ARHGAP12: variants seen among roughly 807,000 people sequenced by gnomAD.
The protein encoded by ARHGAP12 is rho GTPase-activating protein 12.
In ARHGAP12, 64 loss-of-function variants were observed where a neutral mutation model predicts 108.6. The ratio of observed to expected loss-of-function variants is 0.59; its 90% confidence interval spans 0.48 to 0.73. The LOEUF is 0.73. ARHGAP12 is among the 30% of genes least tolerant of loss of function. The pLI, the probability that ARHGAP12 is intolerant of heterozygous loss-of-function variation, is 0.00. For missense variants in ARHGAP12, 940 were observed against 1,005.9 expected, an observed-to-expected ratio of 0.93 and a Z score of 0.89; for synonymous variants, 312 against 337.2, an observed-to-expected ratio of 0.93 and a Z score of 0.82.
At chr10:31,841,764 T>C (rs1484205421) in intron 7 of ARHGAP12, among the ~76,000 whole-genome samples, 1 of 152,180 alleles carries the variant, frequency 6.6e-6, no homozygotes, top group Non-Finnish European at 1.5e-5. Context: ...GGATATAACC[T>C]CACCCTAAGT....
chr10:31,895,738 G>A (rs1212007193), intron 3 of ARHGAP12, among the ~76,000 whole-genome samples: 1 of 152,056 alleles, frequency 6.6e-6, no homozygotes, highest in African/African-American at 2.4e-5. Context: ...CCCATTACTG[G>A]GTATATACCC....
At chr10:31,901,534 C>CAA (rs61402251) in intron 3 of ARHGAP12, among the ~76,000 whole-genome samples, 44 of 64,242 alleles carry the variant, frequency 6.8e-4, no homozygotes, top group African/African-American at 1.7e-3. Context: ...AACCTGGTCT[C>CAA]AAAAAAAAAA....
intron 4 of ARHGAP12, among the ~76,000 whole-genome samples, chr10:31,857,628 C>T (rs1218271209): frequency 1.3e-5 from 2 of 152,158 alleles, no homozygotes; most frequent in African/African-American, 4.8e-5. Context: ...TACCCAGCTA[C>T]ATCACAGTAA....
chr10:31,846,370 A>T (rs541320757), intron 6 of ARHGAP12, among the ~76,000 whole-genome samples: 1 of 152,330 alleles, frequency 6.6e-6, no homozygotes, highest in South Asian at 2.1e-4. Flanking sequence ...TCTGTTTGAA[A>T]GACTTCCTAC....
At position 31,843,491 on chromosome 10, in the gene ARHGAP12, A is replaced by G. The variant is rs764009933; in HGVS notation, c.1266T>C (p.His422=). Residue 422 remains histidine (H), a synonymous_variant, in exon 7 of 20, where the codon CAT becomes CAC. Transcript: ENST00000344936. ...QEPIVLTKWR[H]STIVLDTNDK... is the part of the protein sequence containing the mutation. ...CATTAGTGTCCAATACAATGGTGCT[A>G]TGTCTCCACTTTGTTAATACTATTG... 3.7e-6 allele frequency: 6 copies of G among 1,612,968 alleles called. No individual in the cohort carries two copies. The African/African-American group carries it at 8.0e-5, about 22-fold the overall frequency.
chr10:31,857,130 C>T (rs1292225300), intron 4 of ARHGAP12, among the ~76,000 whole-genome samples: 2 of 152,086 alleles, frequency 1.3e-5, no homozygotes, highest in African/African-American at 4.8e-5. Context: ...CATTCATACG[C>T]ACACGTGTGT....
chr10:31,838,310 G>A (rs182566242), intron 9 of ARHGAP12, among the ~76,000 whole-genome samples: 75 of 152,230 alleles, frequency 4.9e-4, no homozygotes, highest in African/African-American at 1.7e-3. Flanking sequence ...GGAAATATGA[G>A]ATGAGGTGGT....
intron 3 of ARHGAP12, among the ~76,000 whole-genome samples, chr10:31,887,663 T>G (rs1210062726): frequency 1.9e-4 from 14 of 72,356 alleles, no homozygotes; most frequent in African/African-American, 1.2e-3. Flanking sequence ...TTTTTTTTGT[T>G]TTTTTTTTTT....
intron 11 of ARHGAP12, among the ~76,000 whole-genome samples, chr10:31,823,002 T>C (rs1267487356): frequency 6.6e-6 from 1 of 152,128 alleles, no homozygotes; most frequent in Non-Finnish European, 1.5e-5. Flanking sequence ...AAATGAATGT[T>C]TGAATAACTA....
intron 3 of ARHGAP12, among the ~76,000 whole-genome samples, chr10:31,900,438 A>C (rs1455158942): frequency 6.6e-6 from 1 of 152,182 alleles, no homozygotes; most frequent in South Asian, 2.1e-4. Context: ...ACCAACAAAA[A>C]CTGGAAGCAA....
intron 9 of ARHGAP12, 31 bp downstream of exon 9, chr10:31,839,274 G>A (rs199712820): frequency 6.3e-7 from 1 of 1,597,410 alleles, no homozygotes; most frequent in Non-Finnish European, 8.6e-7. Flanking sequence ...AGGTGTCTAT[G>A]CCTATTAAGA....
intron 1 of ARHGAP12, among the ~76,000 whole-genome samples, chr10:31,924,862 G>T (rs1839965876): frequency 6.6e-6 from 1 of 152,060 alleles, no homozygotes; most frequent in Non-Finnish European, 1.5e-5. Context: ...AACCTCAAAA[G>T]ATGTTTGTGA....
intron 1 of ARHGAP12, among the ~76,000 whole-genome samples, chr10:31,923,132 G>GAAAA (rs58930834): frequency 0.3 from 24,711 of 82,352 alleles, 3,407 homozygotes; most frequent in East Asian, 0.42. Context: ...ACCCTAACAG[G>GAAAA]AAAAAAAAAA....
At chr10:31,808,222 A>G (rs1287946601) in intron 19 of ARHGAP12, among the ~76,000 whole-genome samples, 1 of 152,028 alleles carries the variant, frequency 6.6e-6, no homozygotes, top group African/African-American at 2.4e-5. Context: ...ATTTCTTTAA[A>G]AAAAAAAAAC....
intron 3 of ARHGAP12, among the ~76,000 whole-genome samples, chr10:31,877,373 T>A (rs951883929): frequency 6.6e-6 from 1 of 152,170 alleles, no homozygotes; most frequent in South Asian, 2.1e-4. Context: ...TTATAAAGTA[T>A]CCATAACATT....
chr10:31,811,680 A>ATTTTTTTTTT (rs1554773366), intron 15 of ARHGAP12, among the ~76,000 whole-genome samples: 1 of 149,910 alleles, frequency 6.7e-6, no homozygotes, highest in African/African-American at 2.5e-5. Flanking sequence ...ATTTTATTTT[A>ATTTTTTTTTT]TTTTTTTTAA....
At position 31,850,079 on chromosome 10, in the gene ARHGAP12, C is replaced by A. The variant is rs181633908; in HGVS notation, c.1170+2438G>T. ...AAATCACTCAAAAGCAGCCTTGTGA[C>A]TGATGTCATTACTCCAGGGAATCAG... On this transcript the variant is annotated intron_variant, in intron 6 of 19. Coordinates refer to ENST00000344936, the MANE Select transcript of ARHGAP12 (RefSeq NM_018287.7). Among the ~76,000 whole-genome samples the A allele has an allele frequency of 4.7e-3, 710 of 152,248 alleles. 3 individuals are homozygous for A. The highest frequency in any genetic ancestry group is 8.0e-3 in the Non-Finnish European group (543 of 68,018).
At position 31,805,648 on chromosome 10, in the gene ARHGAP12, TCA is replaced by T. The variant is rs3028478; in HGVS notation, c.*2008_*2009del. The T allele has an allele frequency of 0.17, 25,139 of 144,056 alleles. 2,420 individuals carry two copies. Among genetic ancestry groups the T allele is most frequent in the South Asian group, 0.26 (1,116 of 4,366 alleles). The allele number at this position is 144,056 out of a possible 1,614,324, so 8.9% of individuals were successfully genotyped here. Reference sequence around the variant, plus strand: ...GTAGACTAATAAAACATTTAAGACTTCACACACACACACACACACACACACAC... The same window carrying T: ...GTAGACTAATAAAACATTTAAGACTTCACACACACACACACACACACACAC... On this transcript the variant is annotated 3_prime_UTR_variant, in exon 20 of 20. Transcript: ENST00000344936.
chr10:31,842,052 G>A (rs1335306619), intron 7 of ARHGAP12, among the ~76,000 whole-genome samples: 2 of 152,022 alleles, frequency 1.3e-5, no homozygotes, highest in African/African-American at 4.8e-5. Flanking sequence ...TTTAAAGCAA[G>A]AGATTGAAAA....
Sources: allele counts gnomAD v4.1 joint callset (sites outside exome capture counted in the v4.1 genomes callset), GRCh38; gene constraint gnomAD v4.1.1; transcripts MANE v1.5; gene names NCBI Gene and HGNC (gene_info 2026-07-23, HGNC 2026-07-21).